The following RGS6 variants were observed in gnomAD, a reference collection of about 807,000 sequenced individuals.
RGS6 encodes the protein regulator of G-protein signaling 6.
In RGS6, 30 loss-of-function variants were observed where a neutral mutation model predicts 78.5. The ratio of observed to expected loss-of-function variants is 0.38; its 90% CI spans 0.29 to 0.52. The LOEUF is 0.52. RGS6 is among the 20% of genes least tolerant of loss of function. The pLI is 0.85. For synonymous variants in RGS6, 206 were observed against 206.0 expected (o/e 1.00, Z 0.00); for missense variants, 495 against 609.7 (o/e 0.81, Z 1.98).
At chr14:71,934,618 T>A (rs1422719120) in intron 1 of RGS6, among the ~76,000 whole-genome samples, 2 of 152,236 alleles carry the variant, frequency 1.3e-5, no homozygotes, top group Non-Finnish European at 2.9e-5. Context: ...GAGTCCATTT[T>A]AATTATTTAT....
At chr14:72,183,633 A>G (rs1227081687) in intron 2 of RGS6, among the ~76,000 whole-genome samples, 2 of 152,222 alleles carry the variant, frequency 1.3e-5, no homozygotes, top group African/African-American at 4.8e-5. Flanking sequence ...AAAGAACATG[A>G]ATAATACGTT....
At chr14:72,153,438 G>T (rs1386092352) in intron 2 of RGS6, among the ~76,000 whole-genome samples, 2 of 152,274 alleles carry the variant, frequency 1.3e-5, no homozygotes, top group South Asian at 2.1e-4. Context: ...GATGGATGCT[G>T]GTCCAATATG....
intron 3 of RGS6, among the ~76,000 whole-genome samples, chr14:72,360,141 C>T (rs554915816): frequency 6.6e-6 from 1 of 151,950 alleles, no homozygotes; most frequent in African/African-American, 2.4e-5. Context: ...GGAGTTATAT[C>T]AAAGAATAGG....
At chr14:72,213,754 A>G (rs529345341) in intron 2 of RGS6, among the ~76,000 whole-genome samples, 5 of 152,270 alleles carry the variant, frequency 3.3e-5, no homozygotes, top group East Asian at 3.9e-4. Flanking sequence ...CAGCCTGACC[A>G]TCTGGATGTT....
chr14:72,459,608 A>G (rs564148660), intron 5 of RGS6, 24 bp from the exon 6 acceptor site: 8 of 1,613,838 alleles, frequency 5.0e-6, no homozygotes, highest in African/African-American at 1.3e-5. Context: ...GCCCCTGAGC[A>G]CTAACACCCA....
chr14:72,408,886 G>C (rs2093170809), intron 3 of RGS6, among the ~76,000 whole-genome samples: 2 of 152,194 alleles, frequency 1.3e-5, no homozygotes, highest in African/African-American at 4.8e-5. Flanking sequence ...GGACACCTGG[G>C]ACACACCTTG....
chr14:72,598,477 C>T, the RGS6 span, among the ~76,000 whole-genome samples: 1 of 152,254 alleles, frequency 6.6e-6, no homozygotes, highest in East Asian at 1.9e-4. Flanking sequence ...AGAAGCCAGG[C>T]ATCCATTTGC....
chr14:72,403,539 T>G (rs1282230569), intron 3 of RGS6, among the ~76,000 whole-genome samples: 1 of 152,230 alleles, frequency 6.6e-6, no homozygotes, highest in South Asian at 2.1e-4. Flanking sequence ...TCTATAGCAC[T>G]GTTGGGTGAC....
intron 2 of RGS6, among the ~76,000 whole-genome samples, chr14:72,296,385 G>A (rs1948698889): frequency 6.6e-6 from 1 of 152,086 alleles, no homozygotes; most frequent in South Asian, 2.1e-4. Context: ...TGATAAGAGT[G>A]ATGCATATCT....
chr14:72,442,638 G>C (rs1430914938), intron 3 of RGS6, among the ~76,000 whole-genome samples: 5 of 152,226 alleles, frequency 3.3e-5, no homozygotes, highest in Admixed American at 6.5e-5. Context: ...ACCATTGGCT[G>C]TGTGCCACAG....
At chr14:72,101,738 C>T (rs1362990279) in intron 2 of RGS6, among the ~76,000 whole-genome samples, 1 of 152,314 alleles carries the variant, frequency 6.6e-6, no homozygotes, top group Middle Eastern at 3.4e-3. Context: ...ATCTCCAAAA[C>T]TTGCATGTTG....
chr14:72,271,920 C>CTTT (rs35019998), intron 2 of RGS6, among the ~76,000 whole-genome samples: 5 of 132,866 alleles, frequency 3.8e-5, no homozygotes, highest in Admixed American at 7.7e-5. Context: ...CACAGCATCA[C>CTTT]TTTTTTTTTT....
intron 3 of RGS6, among the ~76,000 whole-genome samples, chr14:72,406,445 C>G (rs897891915): frequency 1.3e-5 from 2 of 152,094 alleles, no homozygotes; most frequent in African/African-American, 4.8e-5. Flanking sequence ...TTGCTTATGT[C>G]TGAACACTTC....
chr14:72,088,807 G>T lies in RGS6; in HGVS notation c.84+123932G>T, dbSNP rs146557729. Reference sequence around the variant, plus strand: ...TCCTCATCATGCCTTTCTGCCCTTTGTTCACTATATTCTAGTCACCCTGGC... The same window carrying T: ...TCCTCATCATGCCTTTCTGCCCTTTTTTCACTATATTCTAGTCACCCTGGC... On this transcript the variant is annotated intron_variant, in intron 2 of 17. Transcript: ENST00000553525. 4.2e-3 allele frequency among the ~76,000 whole-genome samples: 639 copies of T among 152,222 alleles called. 3 individuals are homozygous for T. The highest frequency in any genetic ancestry group is 6.9e-3 in the Non-Finnish European group (469 of 68,024).
At chr14:72,132,890 T>C (rs1389024935) in intron 2 of RGS6, among the ~76,000 whole-genome samples, 1 of 152,076 alleles carries the variant, frequency 6.6e-6, no homozygotes, top group Non-Finnish European at 1.5e-5. Context: ...GGCAATGTTT[T>C]GTTCGTAGGG....
intron 2 of RGS6, among the ~76,000 whole-genome samples, chr14:72,322,745 A>C (rs1001295429): frequency 1.3e-5 from 2 of 152,158 alleles, no homozygotes; most frequent in Non-Finnish European, 2.9e-5. Context: ...CAAAATTCAC[A>C]ACTGTATTAA....
At chr14:72,120,084 G>T (rs2096008961) in intron 2 of RGS6, among the ~76,000 whole-genome samples, 2 of 152,166 alleles carry the variant, frequency 1.3e-5, no homozygotes, top group Admixed American at 6.5e-5. Flanking sequence ...TGATAGATTT[G>T]TACTGTATTT....
chr14:71,868,262 G>A, the RGS6 span, among the ~76,000 whole-genome samples: 5 of 152,116 alleles, frequency 3.3e-5, no homozygotes, highest in Non-Finnish European at 1.5e-5. Flanking sequence ...AAATTGAGAG[G>A]TGCCTATAAA....
At chr14:71,966,300 T>C (rs756463105) in intron 2 of RGS6, among the ~76,000 whole-genome samples, 1 of 152,224 alleles carries the variant, frequency 6.6e-6, no homozygotes, top group African/African-American at 2.4e-5. Context: ...AAAAATAGAG[T>C]TCTCAAATTA....
Sources: allele counts gnomAD v4.1 joint callset (sites outside exome capture counted in the v4.1 genomes callset), GRCh38; gene constraint gnomAD v4.1.1; transcripts MANE v1.5; gene names NCBI Gene and HGNC (gene_info 2026-07-23, HGNC 2026-07-21).